Variants in TRIM5 observed in about 807,000 individuals in gnomAD.
The protein encoded by TRIM5 is tripartite motif containing 5.
TRIM5 carries 31 observed loss-of-function variants against 35.6 expected under a neutral mutation model. The ratio of observed to expected loss-of-function variants is 0.87; its 90% CI spans 0.65 to 1.18. The LOEUF is 1.18. Ranked by LOEUF, TRIM5 falls within the 50% of genes most tolerant of loss-of-function variation. The pLI, the probability that TRIM5 is intolerant of heterozygous loss-of-function variation, is 0.00. For synonymous variants in TRIM5, 243 were observed against 215.6 expected, an observed-to-expected ratio of 1.13 and a Z score of -1.11; for missense variants, 609 against 591.6, an observed-to-expected ratio of 1.03 and a Z score of -0.31.
chr11:5,614,730 T>C, the TRIM5 span, among the ~76,000 whole-genome samples: 1 of 152,228 alleles, frequency 6.6e-6, no homozygotes, highest in Non-Finnish European at 1.5e-5. Context: ...GAGTGCTTGT[T>C]AGAGCTGGCA....
chr11:5,618,254 C>T, the TRIM5 span, among the ~76,000 whole-genome samples: 1 of 152,086 alleles, frequency 6.6e-6, no homozygotes, highest in Non-Finnish European at 1.5e-5. Flanking sequence ...CCTGTAATTC[C>T]AGCTACTTGG....
At chr11:5,648,404 G>T in the TRIM5 span, among the ~76,000 whole-genome samples, 1 of 151,984 alleles carries the variant, frequency 6.6e-6, no homozygotes, top group Non-Finnish European at 1.5e-5. Context: ...TACTCAGTTG[G>T]CTGAGGCGGG....
chr11:5,622,480 G>C, the TRIM5 span, among the ~76,000 whole-genome samples: 3 of 102,260 alleles, frequency 2.9e-5, no homozygotes, highest in Admixed American at 3.4e-4. Flanking sequence ...AAATTAGCTG[G>C]ACGTGGTGGC....
the TRIM5 span, chr11:5,632,760 G>A: frequency 2.5e-6 from 4 of 1,588,186 alleles, no homozygotes; most frequent in South Asian, 4.5e-5. Flanking sequence ...GTCAGGTAGG[G>A]CCCTAGATGG....
chr11:5,600,406 A>G, the TRIM5 span, among the ~76,000 whole-genome samples: 1 of 152,188 alleles, frequency 6.6e-6, no homozygotes, highest in Non-Finnish European at 1.5e-5. Flanking sequence ...AAGCATGGCA[A>G]AGCTGAAGAG....
At chr11:5,671,623 C>G (rs1851595635) in intron 4 of TRIM5, among the ~76,000 whole-genome samples, 1 of 151,790 alleles carries the variant, frequency 6.6e-6, no homozygotes, top group Non-Finnish European at 1.5e-5. Context: ...TAAAAATTTT[C>G]TGATTTAAAG....
chr11:5,621,197 G>A, the TRIM5 span, among the ~76,000 whole-genome samples: 1 of 152,172 alleles, frequency 6.6e-6, no homozygotes, highest in Non-Finnish European at 1.5e-5. Context: ...CCAGGCTGCT[G>A]CACTCTCTTA....
At chr11:5,604,631 C>G in the TRIM5 span, 2 of 1,609,614 alleles carry the variant, frequency 1.2e-6, no homozygotes, top group African/African-American at 2.7e-5. Flanking sequence ...TCCTGGAAGG[C>G]AAGGGAGACT....
the TRIM5 span, among the ~76,000 whole-genome samples, chr11:5,604,169 TGTGTGTGC>T: frequency 3.0e-5 from 4 of 133,096 alleles, no homozygotes; most frequent in South Asian, 2.6e-4. Context: ...TAATTGTGTG[TGTGTGTGC>T]GTGTGTGTGT....
At chr11:5,610,271 T>G in the TRIM5 span, 2 of 1,613,712 alleles carry the variant, frequency 1.2e-6, no homozygotes, top group Admixed American at 3.3e-5. Context: ...GGAAAGAGTT[T>G]GGATGTGAAA....
At chr11:5,606,285 G>T in the TRIM5 span, among the ~76,000 whole-genome samples, 20 of 152,334 alleles carry the variant, frequency 1.3e-4, no homozygotes, top group East Asian at 3.7e-3. Context: ...TGGTCTGTAT[G>T]TGTGTAGGTC....
chr11:5,666,987 A>G (rs1466980692), intron 5 of TRIM5, among the ~76,000 whole-genome samples: 2 of 152,182 alleles, frequency 1.3e-5, no homozygotes, highest in South Asian at 2.1e-4. Flanking sequence ...TTAGGGGTAT[A>G]TAAGAGAAAA....
chr11:5,662,914 A>G (rs1489896540), downstream of TRIM5, among the ~76,000 whole-genome samples: 1 of 152,190 alleles, frequency 6.6e-6, no homozygotes, highest in Non-Finnish European at 1.5e-5. Context: ...AGATCGCCTG[A>G]GCCCAGGGCT....
At chr11:5,671,779 T>G (rs1458867673) in intron 4 of TRIM5, among the ~76,000 whole-genome samples, 1 of 151,202 alleles carries the variant, frequency 6.6e-6, no homozygotes, top group South Asian at 2.1e-4. Flanking sequence ...CTATTACATG[T>G]ATGTTGCTAC....
the TRIM5 span, among the ~76,000 whole-genome samples, chr11:5,623,082 G>A: frequency 2.7e-5 from 4 of 150,250 alleles, no homozygotes; most frequent in Non-Finnish European, 4.4e-5. Flanking sequence ...GAGCAAAGGG[G>A]TGACTTTGAG....
the TRIM5 span, among the ~76,000 whole-genome samples, chr11:5,654,918 C>T: frequency 1.3e-5 from 2 of 152,054 alleles, no homozygotes; most frequent in South Asian, 2.1e-4. Flanking sequence ...TGGCCGGGCA[C>T]GGTAGCTCCT....
At chr11:5,646,124 T>TAC in the TRIM5 span, among the ~76,000 whole-genome samples, 2 of 150,156 alleles carry the variant, frequency 1.3e-5, no homozygotes, top group African/African-American at 4.9e-5. Context: ...TATACACACG[T>TAC]ACACACACAC....
the TRIM5 span, among the ~76,000 whole-genome samples, chr11:5,593,173 C>T: frequency 1.5e-4 from 23 of 152,164 alleles, no homozygotes; most frequent in African/African-American, 5.1e-4. Flanking sequence ...TTCCTGTAAT[C>T]AGATGTTAAC....
the TRIM5 span, among the ~76,000 whole-genome samples, chr11:5,615,580 T>G: frequency 0.2 from 23,015 of 116,918 alleles, 1,924 homozygotes; most frequent in East Asian, 0.38. Flanking sequence ...GTTTTTTGTT[T>G]TTTTTTTGTT....
Sources: gnomAD v4.1 joint callset for allele counts (sites outside exome capture counted in the v4.1 genomes callset) on GRCh38, gnomAD v4.1.1 for gene constraint, MANE v1.5 for transcripts, NCBI Gene and HGNC (gene_info 2026-07-23, HGNC 2026-07-21) for gene names.